ZFHX4: variants seen among roughly 807,000 people sequenced by gnomAD.
The protein encoded by ZFHX4 is zinc finger homeobox 4.
In ZFHX4, 56 loss-of-function variants were observed where a neutral mutation model predicts 267.6. The ratio of observed to expected loss-of-function variants is 0.21; its 90% confidence interval spans 0.17 to 0.26. The LOEUF (loss-of-function observed/expected upper bound fraction) is 0.26. Ranked by LOEUF, ZFHX4 falls within the 10% of genes least tolerant of loss-of-function variation. The pLI, the probability that ZFHX4 is intolerant of heterozygous loss-of-function variation, is 1.00. For synonymous variants in ZFHX4, 1,778 were observed against 1,665.6 expected (o/e 1.07, Z -1.64); for missense variants, 4,332 against 4,420.0 (o/e 0.98, Z 0.56).
chr8:76,817,828 A>G (rs939181728), intron 4 of ZFHX4, among the ~76,000 whole-genome samples: 1 of 152,234 alleles, frequency 6.6e-6, no homozygotes, highest in Non-Finnish European at 1.5e-5. Context: ...TGTGGCAAAT[A>G]CTTGATGAAT....
intron 3 of ZFHX4, among the ~76,000 whole-genome samples, chr8:76,747,580 G>A (rs1809492500): frequency 6.6e-6 from 1 of 152,100 alleles, no homozygotes; most frequent in African/African-American, 2.4e-5. Context: ...CTCTGTCTTG[G>A]TTCTTATGAG....
At position 76,855,304 on chromosome 8, in the gene ZFHX4, C is replaced by A. The variant is rs761305789; in HGVS notation, c.8383C>A (p.Gln2795Lys). ...CCCTCCTGCTGAGGCTGGGTATGAT[C>A]AAAATAAAACCGATTTTGATGAGAC... Reference protein sequence around the residue: ...NAPPAEAGYDQNKTDFDETSS... With the variant: ...NAPPAEAGYDKNKTDFDETSS... The change falls in exon 10 of 11, where the codon CAA (glutamine) becomes AAA (lysine). Residue 2795 changes from glutamine to lysine, a missense_variant. This residue lies in a region of ZFHX4 where 1,648 missense variants were observed against 1,625.0 expected (regional missense o/e 1.01). Coordinates refer to ENST00000651372, the MANE Select transcript of ZFHX4 (RefSeq NM_024721.5). The A allele has an allele frequency of 9.3e-6, 15 of 1,613,554 alleles. No homozygotes were observed. In the South Asian group the frequency reaches 1.2e-4, roughly 13 times the overall value.
Position 76,854,273 on chromosome 8 carries a change from A to G in ZFHX4, c.7352A>G (p.Gln2451Arg). ...ASTAQPQPQP[Q>R]PPKQPQLIGR... ...ACAGCCCAGCCACAGCCACAGCCAC[A>G]GCCACCAAAACAACCCCAACTTATC... Residue 2451 changes from glutamine (Q) to arginine (R), a missense_variant, in exon 10 of 11, where the codon CAG becomes CGG. Gln to Arg is a conservative substitution (Grantham distance 43). Transcript: ENST00000651372. The G allele has an allele frequency of 6.3e-7, 1 of 1,588,998 alleles. No individual in the cohort carries two copies. Among genetic ancestry groups the G allele is most frequent in the Non-Finnish European group, 8.6e-7 (1 of 1,167,528 alleles).
chr8:76,864,086 G>A lies in ZFHX4; in HGVS notation c.10372G>A (p.Gly3458Arg). ...QCLACDVAIS[G>R]NEALSQHLQS... ...TCTTGCCTGTGATGTGGCTATCAGT[G>A]GGAATGAAGCACTTAGCCAACACCT... Residue 3458 changes from glycine to arginine, a missense_variant, in exon 11 of 11, where the codon GGG becomes AGG. Gly to Arg is a moderately radical substitution (Grantham distance 125, BLOSUM62 -2). Around this residue, in one of 7 missense-constraint regions of ZFHX4, gnomAD observed 1,648 missense variants for 1,625.0 expected, o/e 1.01. Transcript: ENST00000651372. The A allele has an allele frequency of 6.2e-7, 1 of 1,613,794 alleles. No homozygotes were observed. Among genetic ancestry groups the A allele is most frequent in the Non-Finnish European group, 8.5e-7 (1 of 1,179,850 alleles).
At position 76,855,592 on chromosome 8, in the gene ZFHX4, G is replaced by A. The variant is rs1462853123; in HGVS notation, c.8671G>A (p.Asp2891Asn). 15 of 1,613,806 alleles carry A rather than the reference G, an allele frequency of 9.3e-6. No homozygotes were observed. Among genetic ancestry groups the A allele is most frequent in the Non-Finnish European group, 1.3e-5 (15 of 1,179,826 alleles). ...DHDQSFYITD[D>N]PDDNADRSET... ...CGACCAAAGCTTTTACATCACAGAT[G>A]ACCCGGATGACAACGCCGACCGCAG... is the stretch of plus-strand genomic sequence containing the variant. The change falls in exon 10 of 11, where the codon GAC (aspartate) becomes AAC (asparagine). Residue 2891 changes from aspartate to asparagine, a missense_variant. Coordinates refer to ENST00000651372, the MANE Select transcript of ZFHX4 (RefSeq NM_024721.5).
chr8:76,764,122 A>G (rs1444940649), intron 3 of ZFHX4, among the ~76,000 whole-genome samples: 3 of 152,202 alleles, frequency 2.0e-5, no homozygotes, highest in Admixed American at 1.3e-4. Context: ...TTGGGATTAC[A>G]TATCTTCAAA....
chr8:76,709,806 T>C lies in ZFHX4; in HGVS notation c.3093+1758T>C, dbSNP rs1029232560. On this transcript the variant is annotated intron_variant, in intron 3 of 10. Transcript: ENST00000651372. ...GCGTGTGTGTGCGTGTGTGTGCGTG[T>C]GTGTGTGTGTGTGTGTGTGTGTGTG... Among the ~76,000 whole-genome samples the C allele has an allele frequency of 3.2e-5, 4 of 123,372 alleles. 1 individual carries two copies. Among genetic ancestry groups the C allele is most frequent in the South Asian group, 4.6e-4 (2 of 4,326 alleles). 80.9% of individuals were successfully genotyped at this position (123,372 alleles called of 152,430 possible).
chr8:76,681,391 G>A lies in ZFHX4; in HGVS notation c.-276G>A, dbSNP rs368102806. 8 of 398,592 alleles carry A rather than the reference G, an allele frequency of 2.0e-5. No individual in the cohort carries two copies. The highest frequency in any genetic ancestry group is 1.6e-4 in the African/African-American group (8 of 48,496). 24.7% of individuals were successfully genotyped at this position (398,592 alleles called of 1,614,324 possible). ...CTTCACAACCAAACAGCGAGACCGC[G>A]GTCGGCACATGCTTTAACTCCTCCC... On this transcript the variant is annotated 5_prime_UTR_variant, in exon 1 of 11. Transcript: ENST00000651372.
Position 76,855,345 on chromosome 8 carries a change from G to A in ZFHX4, c.8424G>A (p.Thr2808=), listed in dbSNP as rs1242671010. The A allele has an allele frequency of 4.3e-6, 7 of 1,613,252 alleles. No individual in the cohort carries two copies. Among genetic ancestry groups the A allele is most frequent in the Admixed American group, 1.7e-5 (1 of 59,944 alleles). The change falls in exon 10 of 11, where the codon ACG becomes ACA. Residue 2808 remains threonine, a synonymous_variant. Coordinates refer to ENST00000651372, the MANE Select transcript of ZFHX4 (RefSeq NM_024721.5). ...TTGATGAGACTTCATCGATTAATACGGCAATCAGTGACGCCACCACCGGAG... is the reference window on the plus strand; with the variant it reads ...TTGATGAGACTTCATCGATTAATACAGCAATCAGTGACGCCACCACCGGAG... The part of the protein sequence containing the change: ...TDFDETSSIN[T]AISDATTGDE...
At chr8:76,857,182 G>A (rs754333445) in intron 10 of ZFHX4, among the ~76,000 whole-genome samples, 4 of 151,858 alleles carry the variant, frequency 2.6e-5, no homozygotes, top group East Asian at 1.9e-4. Context: ...GGAATATAAC[G>A]TGCTAGCCAA....
At position 76,855,093 on chromosome 8, in the gene ZFHX4, A is replaced by C; in HGVS notation, c.8172A>C (p.Pro2724=). Residue 2724 remains proline, a synonymous_variant, in exon 10 of 11, where the codon CCA becomes CCC. Transcript: ENST00000651372. Reference sequence around the variant, plus strand: ...CCACCGAAGATGGGGGAGAAAGCCCACAGAAATACATCTATTTTGATTACC... The same window carrying C: ...CCACCGAAGATGGGGGAGAAAGCCCCCAGAAATACATCTATTTTGATTACC... ...LISTEDGGES[P]QKYIYFDYPS... 1 of 1,613,914 alleles carries C rather than the reference A, an allele frequency of 6.2e-7. No homozygotes were observed. The highest frequency in any genetic ancestry group is 8.5e-7 in the Non-Finnish European group (1 of 1,179,844).
intron 4 of ZFHX4, among the ~76,000 whole-genome samples, chr8:76,828,599 A>T (rs1487325506): frequency 6.6e-6 from 1 of 152,204 alleles, no homozygotes; most frequent in Non-Finnish European, 1.5e-5. Context: ...AATATCTTTT[A>T]TTGTATTCAT....
In ZFHX4 at chr8:76,854,323, A is replaced by G; in HGVS notation, c.7402A>G (p.Thr2468Ala). Reference protein sequence around the residue: ...LIGRPPSASQTPVPSSPLQIS... With the variant: ...LIGRPPSASQAPVPSSPLQIS... ...CGGAAGACCTCCCTCGGCCTCTCAAACACCGGTCCCTTCCAGTCCACTGCA... is the reference window on the plus strand; with the variant it reads ...CGGAAGACCTCCCTCGGCCTCTCAAGCACCGGTCCCTTCCAGTCCACTGCA... The change falls in exon 10 of 11, where the codon ACA becomes GCA. Residue 2468 changes from threonine to alanine, a missense_variant. Coordinates refer to ENST00000651372, the MANE Select transcript of ZFHX4 (RefSeq NM_024721.5). 6.2e-7 allele frequency: 1 copy of G among 1,613,592 alleles called. No individual in the cohort carries two copies. Among genetic ancestry groups the G allele is most frequent in the Admixed American group, 1.7e-5 (1 of 59,954 alleles).
At chr8:76,821,361 T>C (rs1032697809) in intron 4 of ZFHX4, among the ~76,000 whole-genome samples, 1 of 152,142 alleles carries the variant, frequency 6.6e-6, no homozygotes. Context: ...CTTTTTCCTT[T>C]CTACCCACGT....
rs976022814 is a variant in ZFHX4, at chr8:76,865,863, T to C, written c.*1298T>C. ...ACTTGTGTTGTATTGTTCTGTTACA[T>C]ACTTTTTTTAACCTGTTTTGTTTTA... On this transcript the variant is annotated 3_prime_UTR_variant, in exon 11 of 11. Coordinates refer to ENST00000651372, the MANE Select transcript of ZFHX4 (RefSeq NM_024721.5). 3 of 152,616 alleles carry C rather than the reference T, an allele frequency of 2.0e-5. No homozygotes were observed. Among genetic ancestry groups the C allele is most frequent in the African/African-American group, 7.2e-5 (3 of 41,452 alleles). The allele number at this position is 152,616 out of a possible 1,614,324, so 9.5% of individuals were successfully genotyped here. A position where few individuals can be genotyped will look rare whatever the true frequency, so the allele number is the denominator to read the frequency against.
At chr8:76,775,943 A>G (rs1480427133) in intron 3 of ZFHX4, among the ~76,000 whole-genome samples, 1 of 150,328 alleles carries the variant, frequency 6.7e-6, no homozygotes, top group South Asian at 2.1e-4. Flanking sequence ...TAAAACTCAC[A>G]GTTGATGGGG....
intron 4 of ZFHX4, among the ~76,000 whole-genome samples, chr8:76,800,212 AG>A (rs941493384): frequency 2.6e-5 from 4 of 152,122 alleles, no homozygotes; most frequent in African/African-American, 9.7e-5. Flanking sequence ...CAGGCCACAG[AG>A]GGACTGAGCG....
intron 5 of ZFHX4, among the ~76,000 whole-genome samples, chr8:76,835,251 A>ATATATGTATATATG (rs1563549161): frequency 1.2e-5 from 1 of 82,660 alleles, no homozygotes; most frequent in African/African-American, 5.9e-5. Context: ...GTATATATAT[A>ATATATGTATATATG]TATATATATT....
intron 4 of ZFHX4, among the ~76,000 whole-genome samples, chr8:76,807,238 C>T (rs1811267982): frequency 6.6e-6 from 1 of 151,822 alleles, no homozygotes; most frequent in Admixed American, 6.6e-5. Context: ...AAGTTTAGAG[C>T]AAATCGAAAA....
Sources: gnomAD v4.1 joint callset for allele counts (sites outside exome capture counted in the v4.1 genomes callset) on GRCh38, gnomAD v4.1.1 for gene constraint, gnomAD v4.1.1 regional missense constraint, MANE v1.5 for transcripts, NCBI Gene and HGNC (gene_info 2026-07-23, HGNC 2026-07-21) for gene names.